PRKD2: variants seen among roughly 807,000 people sequenced by gnomAD.
PRKD2 encodes the protein protein kinase D2.
Under a neutral mutation model 86.0 loss-of-function variants are expected in PRKD2, and 22 were observed. The observed-to-expected ratio is 0.26, with a 90% confidence interval of 0.18 to 0.37. PRKD2 has a LOEUF of 0.37. PRKD2 is among the 10% of genes least tolerant of loss of function. The pLI, the probability that PRKD2 is intolerant of heterozygous loss-of-function variation, is 1.00. For synonymous variants in PRKD2, 509 were observed against 510.9 expected, an observed-to-expected ratio of 1.00 and a Z score of 0.05; for missense variants, 818 against 1,199.2, an observed-to-expected ratio of 0.68 and a Z score of 4.70.
At chr19:46,674,883 C>G in intron 17 of PRKD2, 148 bp from the exon 18 acceptor site, 1 of 1,159,250 alleles carries the variant, frequency 8.6e-7, no homozygotes. Context: ...TAGCTCCACC[C>G]CCTCTTCCTG....
rs1161283669 is a variant in PRKD2 at position 46,685,448 on chromosome 19, ACATAAGCT to A, written c.1972-3708_1972-3701del. 4.6e-5 allele frequency: 7 copies of A among 152,224 alleles called. No individual in the cohort carries two copies. In the East Asian group the frequency reaches 1.4e-3, roughly 29 times the overall value. The allele number at this position is 152,224 out of a possible 1,614,324, so 9.4% of individuals were successfully genotyped here. A position where few individuals can be genotyped will look rare whatever the true frequency, so the allele number is the denominator to read the frequency against. On this transcript the variant is annotated intron_variant, in intron 14 of 17. Coordinates refer to ENST00000291281, the MANE Select transcript of PRKD2 (RefSeq NM_016457.5). Reference sequence around the variant, plus strand: ...ACCTCCTAGGATGGTGGTGAGGCCTACATAAGCTCAGGAGGTAAAGGGCTTAGCACAGG... The same window carrying A: ...ACCTCCTAGGATGGTGGTGAGGCCTACAGGAGGTAAAGGGCTTAGCACAGG...
At chr19:46,711,497 G>A (rs1054428417) in intron 2 of PRKD2, among the ~76,000 whole-genome samples, 5 of 151,824 alleles carry the variant, frequency 3.3e-5, no homozygotes, top group Non-Finnish European at 7.4e-5. Flanking sequence ...GGTTCAAGCA[G>A]TTCTCCTGCC....
intron 15 of PRKD2, among the ~76,000 whole-genome samples, chr19:46,680,946 A>ATATATATTTTTTTTT: frequency 2.1e-5 from 1 of 48,258 alleles, no homozygotes; most frequent in African/African-American, 7.1e-5. Flanking sequence ...ATATATATAT[A>ATATATATTTTTTTTT]TTTTTTTTTT....
chr19:46,697,341 C>T (rs892700294), intron 8 of PRKD2, 107 bp from the exon 9 acceptor site: 2 of 812,010 alleles, frequency 2.5e-6, no homozygotes, highest in African/African-American at 1.7e-5. Context: ...ACGTGCACGC[C>T]GTAACTCTAG....
intron 10 of PRKD2, among the ~76,000 whole-genome samples, chr19:46,692,805 G>A (rs1464903274): frequency 6.6e-6 from 1 of 152,118 alleles, no homozygotes; most frequent in Non-Finnish European, 1.5e-5. Context: ...TGCATATGCT[G>A]TTTCCCCTGC....
intron 15 of PRKD2, among the ~76,000 whole-genome samples, chr19:46,680,370 C>T (rs540695399): frequency 1.3e-5 from 2 of 151,036 alleles, no homozygotes; most frequent in African/African-American, 4.9e-5. Context: ...TCACCGCAAC[C>T]TCCACCCTCC....
chr19:46,700,839 C>T lies in PRKD2; in HGVS notation c.1081G>A (p.Ala361Thr), dbSNP rs199584064. Residue 361 changes from alanine to threonine, a missense_variant, in exon 7 of 18, where the codon GCC (alanine) becomes ACC (threonine). Around this residue, in one of 5 missense-constraint regions of PRKD2, gnomAD observed 403 missense variants for 518.6 expected, o/e 0.78. Transcript: ENST00000291281. The stretch of plus-strand genomic sequence containing the variant: ...CCCTCGCCTTCCTCCTCCTCACTGG[C>T]GTGGAGCGCATTCTCTGAGTGGGAG... ...PGSHSENALHASEEEEGEGGK... is the reference protein window; with the variant it reads ...PGSHSENALHTSEEEEGEGGK... The T allele has an allele frequency of 5.1e-5, 82 of 1,614,102 alleles. No homozygotes were observed. The highest frequency in any genetic ancestry group is 6.7e-5 in the East Asian group (3 of 44,892).
chr19:46,711,897 G>A (rs879598447), intron 2 of PRKD2, among the ~76,000 whole-genome samples: 29 of 151,046 alleles, frequency 1.9e-4, no homozygotes, highest in Admixed American at 4.6e-4. Context: ...ATGAAACCCC[G>A]TCTCTACTAA....
intron 16 of PRKD2, among the ~76,000 whole-genome samples, chr19:46,675,987 G>A (rs1463274018): frequency 6.6e-6 from 1 of 152,028 alleles, no homozygotes; most frequent in Non-Finnish European, 1.5e-5. Context: ...TTGAACTCCT[G>A]GGCTCAAGCA....
intron 3 of PRKD2, among the ~76,000 whole-genome samples, chr19:46,708,089 C>T (rs1307915906): frequency 1.3e-5 from 2 of 152,076 alleles, no homozygotes; most frequent in Non-Finnish European, 2.9e-5. Flanking sequence ...CAGACTGAGA[C>T]GCTGTCTCCA....
At chr19:46,681,069 T>G (rs2053298605) in intron 15 of PRKD2, among the ~76,000 whole-genome samples, 1 of 149,310 alleles carries the variant, frequency 6.7e-6, no homozygotes, top group Admixed American at 6.8e-5. Flanking sequence ...TTCTCCTAAC[T>G]CAGCCTCCCA....
chr19:46,676,171 G>A (rs1195285501), intron 16 of PRKD2, among the ~76,000 whole-genome samples: 3 of 151,746 alleles, frequency 2.0e-5, no homozygotes, highest in Non-Finnish European at 2.9e-5. Flanking sequence ...GCTCATGCCT[G>A]TAATCCCAAC....
chr19:46,697,213 G>T lies in PRKD2; in HGVS notation c.1261C>A (p.Leu421Met). ...DTLRKRHYWR[L>M]DCKCITLFQN... is the part of the protein sequence containing the mutation. The stretch of plus-strand genomic sequence containing the variant: ...AAGAGCGTGATACACTTGCAGTCCA[G>T]GCGCCAATAGTGCCGCTTTCTCTGC... The change falls in exon 9 of 18, where the codon CTG becomes ATG. Residue 421 changes from leucine to methionine, a missense_variant. By Grantham distance (15) the Leu-to-Met change is conservative. Around this residue, in one of 5 missense-constraint regions of PRKD2, gnomAD observed 127 missense variants for 157.8 expected, o/e 0.80. Transcript: ENST00000291281. 1 of 1,597,332 alleles carries T rather than the reference G, an allele frequency of 6.3e-7. No individual in the cohort carries two copies. Among genetic ancestry groups the T allele is most frequent in the Non-Finnish European group, 8.6e-7 (1 of 1,165,080 alleles).
chr19:46,678,043 C>A lies in PRKD2; in HGVS notation c.2338+353G>T, dbSNP rs1599807743. Reference sequence around the variant, plus strand: ...CAGCCAATGCCTTGGGAGGCTCAGCCCCTTCTCCTGGTCACCGCAGCCCTT... The same window carrying A: ...CAGCCAATGCCTTGGGAGGCTCAGCACCTTCTCCTGGTCACCGCAGCCCTT... On this transcript the variant is annotated intron_variant, in intron 16 of 17. Coordinates refer to ENST00000291281, the MANE Select transcript of PRKD2 (RefSeq NM_016457.5). This position sits in a 1 kb window ranked among gnomAD's most constrained non-coding sequence, Gnocchi z 5.7. Among the ~76,000 whole-genome samples, 1 of 152,148 alleles carries A rather than the reference C, an allele frequency of 6.6e-6. No homozygotes were observed. The highest frequency in any genetic ancestry group is 2.1e-4 in the South Asian group (1 of 4,828).
rs75185364 is a variant in PRKD2, at chr19:46,689,684, G to C, written c.1824C>G (p.Pro608=). 1.9e-3 allele frequency: 3,051 copies of C among 1,614,044 alleles called. 53 individuals carry two copies. In the African/African-American group the frequency reaches 0.036, roughly 19 times the overall value. Residue 608 remains proline (P), a synonymous_variant, in exon 14 of 18, where the codon CCC becomes CCG. Coordinates refer to ENST00000291281, the MANE Select transcript of PRKD2 (RefSeq NM_016457.5). Reference sequence around the variant, plus strand: ...ACATGCACTCCAGGTTCACGATCCCGGGATGCCGCAGGCTCTGCAGGGTGG... The same window carrying C: ...ACATGCACTCCAGGTTCACGATCCCCGGATGCCGCAGGCTCTGCAGGGTGG... The part of the protein sequence containing the change: ...EVAILQSLRH[P]GIVNLECMFE...
chr19:46,674,963 G>T, intron 17 of PRKD2, 70 bp downstream of exon 17: 1 of 1,424,140 alleles, frequency 7.0e-7, no homozygotes, highest in Non-Finnish European at 9.7e-7. Flanking sequence ...AACCTGCCTA[G>T]CCAATAAGCG....
At chr19:46,676,764 C>CA (rs1476713858) in intron 16 of PRKD2, among the ~76,000 whole-genome samples, 1 of 152,148 alleles carries the variant, frequency 6.6e-6, no homozygotes, top group African/African-American at 2.4e-5. Flanking sequence ...GAGTGGGTCT[C>CA]AAAAGACAAT....
chr19:46,706,984 C>T (rs796123509), intron 3 of PRKD2, among the ~76,000 whole-genome samples: 39 of 151,888 alleles, frequency 2.6e-4, no homozygotes, highest in African/African-American at 9.4e-4. Flanking sequence ...CCTCCACCCC[C>T]TCAGGTTCAA....
chr19:46,697,081 T>G, intron 9 of PRKD2, 76 bp downstream of exon 9: 1 of 1,175,890 alleles, frequency 8.5e-7, no homozygotes, highest in Non-Finnish European at 1.3e-6. Context: ...CTGGAGTAAC[T>G]GGGGGTAGGA....
Sources: gnomAD v4.1 joint callset for allele counts (sites outside exome capture counted in the v4.1 genomes callset) on GRCh38, gnomAD v4.1.1 for gene constraint, gnomAD v4.1.1 regional missense constraint, Gnocchi (gnomAD v3.1) non-coding constraint, MANE v1.5 for transcripts, NCBI Gene and HGNC (gene_info 2026-07-23, HGNC 2026-07-21) for gene names.